Variants in FRMD6 observed in about 807,000 individuals in gnomAD.
The protein encoded by FRMD6 is FERM domain-containing protein 6.
Under a neutral mutation model 73.2 loss-of-function variants are expected in FRMD6, and 37 were observed. That is an observed-to-expected ratio of 0.51 (90% CI 0.39 to 0.66). The LOEUF is 0.66. Among genes scored for constraint, FRMD6 ranks in the 30% least tolerant of loss-of-function variants. FRMD6 has a pLI of 0.00. For missense variants in FRMD6, 714 were observed against 780.5 expected (o/e 0.91, Z 1.02); for synonymous variants, 273 against 282.2 (o/e 0.97, Z 0.33).
At chr14:51,637,204 G>C (rs761593075) in intron 2 of FRMD6, 11 of 152,122 alleles carry the variant, frequency 7.2e-5, no homozygotes, top group African/African-American at 2.7e-4. Context: ...CCTGGGTGAC[G>C]GAGCGTGACC....
At chr14:51,640,672 A>G (rs1390716197) in intron 2 of FRMD6, among the ~76,000 whole-genome samples, 1 of 152,230 alleles carries the variant, frequency 6.6e-6, no homozygotes, top group African/African-American at 2.4e-5. Context: ...TAGTGATATG[A>G]TGAACAATAA....
At chr14:51,669,712 ATATT>A (rs1304599692) in intron 1 of FRMD6, among the ~76,000 whole-genome samples, 19 of 152,168 alleles carry the variant, frequency 1.2e-4, no homozygotes, top group African/African-American at 4.3e-4. Flanking sequence ...TTGAGTTGTA[ATATT>A]TATATATTTT....
intron 1 of FRMD6, among the ~76,000 whole-genome samples, chr14:51,522,041 T>G (rs1884983424): frequency 6.6e-6 from 1 of 152,188 alleles, no homozygotes; most frequent in African/African-American, 2.4e-5. Context: ...AGTAATCATT[T>G]AAAATGTACC....
chr14:51,672,367 A>G (rs1894071968), intron 1 of FRMD6, among the ~76,000 whole-genome samples: 1 of 152,142 alleles, frequency 6.6e-6, no homozygotes, highest in South Asian at 2.1e-4. Flanking sequence ...ACCTCTCTTC[A>G]CACAAGGACA....
At chr14:51,462,063 AGAAG>A in the FRMD6 span, among the ~76,000 whole-genome samples, 2 of 151,974 alleles carry the variant, frequency 1.3e-5, no homozygotes, top group African/African-American at 4.8e-5. Context: ...AAGGAAAGAA[AGAAG>A]GAAGCAAGGA....
At chr14:51,484,084 T>C in the FRMD6 span, among the ~76,000 whole-genome samples, 1 of 152,184 alleles carries the variant, frequency 6.6e-6, no homozygotes, top group Admixed American at 6.5e-5. Context: ...AATAAATCTG[T>C]TAAATGTATA....
chr14:51,719,970 T>A, intron 10 of FRMD6, 85 bp from the exon 11 acceptor site: 1 of 978,372 alleles, frequency 1.0e-6, no homozygotes, highest in Non-Finnish European at 1.5e-6. Flanking sequence ...TTTGAAGTTA[T>A]CCTTGTTCTT....
In FRMD6 at chr14:51,689,634, G is replaced by A. The variant is rs1468905962; in HGVS notation, c.-146-57G>A. ...GGTGCTGTGCTTATCTTCCTGACGCGCTCTTCGCAGTCTTCACCGCCTTTC... is the reference window on the plus strand; with the variant it reads ...GGTGCTGTGCTTATCTTCCTGACGCACTCTTCGCAGTCTTCACCGCCTTTC... On this transcript the variant is annotated intron_variant, in intron 1 of 13. Coordinates refer to ENST00000344768, the MANE Select transcript of FRMD6 (RefSeq NM_001267046.2). 1.4e-5 allele frequency: 8 copies of A among 572,776 alleles called. No individual in the cohort carries two copies. In the East Asian group the frequency reaches 1.7e-4, roughly 12 times the overall value. 35.5% of individuals were successfully genotyped at this position (572,776 alleles called of 1,614,324 possible). A position where few individuals can be genotyped will look rare whatever the true frequency, so the allele number is the denominator to read the frequency against.
At chr14:51,708,338 T>G (rs1896751670) in intron 7 of FRMD6, 105 bp downstream of exon 7, 1 of 1,082,786 alleles carries the variant, frequency 9.2e-7, no homozygotes, top group African/African-American at 1.6e-5. Flanking sequence ...ACTTATTTCA[T>G]TTTTTACATG....
chr14:51,459,050 C>T, the FRMD6 span, among the ~76,000 whole-genome samples: 2 of 152,134 alleles, frequency 1.3e-5, no homozygotes, highest in Admixed American at 1.3e-4. Flanking sequence ...GAGATGCACA[C>T]GGCAGCGTAG....
the FRMD6 span, among the ~76,000 whole-genome samples, chr14:51,470,241 G>A: frequency 6.6e-6 from 1 of 152,076 alleles, no homozygotes; most frequent in Admixed American, 6.6e-5. Flanking sequence ...CTTTTGGGCG[G>A]GGCATGGTGG....
At chr14:51,652,386 G>A (rs538879762) in intron 1 of FRMD6, among the ~76,000 whole-genome samples, 2 of 152,160 alleles carry the variant, frequency 1.3e-5, no homozygotes, top group African/African-American at 2.4e-5. Context: ...CTCCGTGCGC[G>A]GTCCCTGGTT....
chr14:51,563,527 G>A (rs1887599232), intron 1 of FRMD6, among the ~76,000 whole-genome samples: 1 of 152,050 alleles, frequency 6.6e-6, no homozygotes. Flanking sequence ...AAAATTAACT[G>A]GGCATGGTGG....
chr14:51,415,753 G>A, the FRMD6 span, among the ~76,000 whole-genome samples: 6 of 152,284 alleles, frequency 3.9e-5, no homozygotes, highest in Non-Finnish European at 7.3e-5. Flanking sequence ...TGTACCTCTG[G>A]TAGAATTTGG....
At chr14:51,472,556 G>A in the FRMD6 span, among the ~76,000 whole-genome samples, 1 of 152,272 alleles carries the variant, frequency 6.6e-6, no homozygotes, top group East Asian at 1.9e-4. Flanking sequence ...GCCCACCTCA[G>A]CCTCCCAAAG....
At position 51,715,450 on chromosome 14, in the gene FRMD6, G is replaced by A; in HGVS notation, c.975G>A (p.Met325Ile). 4.3e-6 allele frequency: 7 copies of A among 1,613,796 alleles called. No individual in the cohort carries two copies. The highest frequency in any genetic ancestry group is 5.9e-6 in the Non-Finnish European group (7 of 1,179,814). The change falls in exon 10 of 14, where the codon ATG becomes ATA. Residue 325 changes from methionine (M) to isoleucine (I), a missense_variant. Met to Ile is a conservative substitution (Grantham distance 10). Coordinates refer to ENST00000344768, the MANE Select transcript of FRMD6 (RefSeq NM_001267046.2). ...QLLSNSHRLY[M>I]NLQPVLRHIR... is the part of the protein sequence containing the mutation. ...TGAGCAACAGCCACCGCCTCTATATGAATCTGCAGCCTGTCCTGCGCCATA... is the reference window on the plus strand; with the variant it reads ...TGAGCAACAGCCACCGCCTCTATATAAATCTGCAGCCTGTCCTGCGCCATA...
intron 2 of FRMD6, chr14:51,692,686 GTGGTTTTGA>G (rs973651829): frequency 1.2e-4 from 19 of 152,218 alleles, no homozygotes; most frequent in Non-Finnish European, 4.4e-5. Context: ...CTATGGATCA[GTGGTTTTGA>G]AACTTGAATA....
chr14:51,695,580 T>C (rs1260353232), intron 2 of FRMD6, among the ~76,000 whole-genome samples: 1 of 152,018 alleles, frequency 6.6e-6, no homozygotes, highest in Admixed American at 6.6e-5. Flanking sequence ...ATTCAGGGAG[T>C]GGTCTTGATC....
chr14:51,575,679 G>A (rs1203464306), intron 2 of FRMD6: 1 of 152,146 alleles, frequency 6.6e-6, no homozygotes, highest in Non-Finnish European at 1.5e-5. Context: ...TTCTTAATGG[G>A]ATTCAGCTGC....
Sources: allele counts gnomAD v4.1 joint callset (sites outside exome capture counted in the v4.1 genomes callset), GRCh38; gene constraint gnomAD v4.1.1; transcripts MANE v1.5; gene names NCBI Gene and HGNC (gene_info 2026-07-23, HGNC 2026-07-21).